CRB2: variants seen among roughly 807,000 people sequenced by gnomAD.
CRB2 encodes crumbs cell polarity complex component 2.
Under a neutral mutation model 110.9 loss-of-function variants are expected in CRB2, and 85 were observed. The observed-to-expected ratio is 0.77, with a 90% CI of 0.64 to 0.92. The LOEUF is 0.92. Among genes scored for constraint, CRB2 ranks in the 40% least tolerant of loss-of-function variants. The pLI is 0.00. For synonymous variants in CRB2, 907 were observed against 831.0 expected, an observed-to-expected ratio of 1.09 and a Z score of -1.57; for missense variants, 1,843 against 1,851.3, an observed-to-expected ratio of 1.00 and a Z score of 0.08.
Position 123,377,375 on chromosome 9 carries a change from TGTGA to T in CRB2, c.*317_*320del, listed in dbSNP as rs536922834. The T allele has an allele frequency of 9.2e-3, 2,910 of 317,644 alleles. 20 individuals are homozygous for T. Among genetic ancestry groups the T allele is most frequent in the Middle Eastern group, 0.018 (21 of 1,188 alleles). The allele number at this position is 317,644 out of a possible 1,614,324, so 19.7% of individuals were successfully genotyped here. Reference sequence around the variant, plus strand: ...GTGTGTGTATCTGGAGGAGTGTGTGTGTGAGTGTGTACCTGGGCCTGTGTTAGTC... The same window carrying T: ...GTGTGTGTATCTGGAGGAGTGTGTGTGTGTGTACCTGGGCCTGTGTTAGTC... On this transcript the variant is annotated 3_prime_UTR_variant, in exon 13 of 13. Transcript: ENST00000373631.
chr9:123,362,748 C>G (rs1334980005), intron 1 of CRB2, 117 bp from the exon 2 acceptor site: 5 of 940,884 alleles, frequency 5.3e-6, no homozygotes, highest in Non-Finnish European at 3.2e-6. Context: ...TCTGTCCATA[C>G]TGTGCATGCA....
downstream of CRB2, chr9:123,378,805 G>GTTTTTTTTTTTTTTTTTT (rs1166539194): frequency 9.9e-6 from 1 of 100,982 alleles, no homozygotes; most frequent in African/African-American, 4.3e-5. Context: ...CCTGTTTTTT[G>GTTTTTTTTTTTTTTTTTT]TTTTTTTTTT....
intron 2 of CRB2, 87 bp downstream of exon 2, chr9:123,363,275 C>T (rs1261624125): frequency 8.5e-6 from 12 of 1,412,470 alleles, no homozygotes; most frequent in African/African-American, 1.4e-5. Flanking sequence ...TTCAGCTTTG[C>T]CTTTCGTGTA....
Position 123,371,180 on chromosome 9 carries a change from G to A in CRB2, c.2038G>A (p.Glu680Lys). 1 of 1,613,822 alleles carries A rather than the reference G, an allele frequency of 6.2e-7. No individual in the cohort carries two copies. The highest frequency in any genetic ancestry group is 1.7e-5 in the Admixed American group (1 of 60,032). Residue 680 changes from glutamate to lysine, a missense_variant, in exon 8 of 13, where the codon GAG (glutamate) becomes AAG (lysine). Coordinates refer to ENST00000373631, the MANE Select transcript of CRB2 (RefSeq NM_173689.7). Reference protein sequence around the residue: ...LTVSFLLRTRESAGLLLQFAN... With the variant: ...LTVSFLLRTRKSAGLLLQFAN... ...AGTGTCTTTCCTTCTCCGCACTCGG[G>A]AGTCCGCTGGCCTGTTGCTCCAGTT...
intron 1 of CRB2, among the ~76,000 whole-genome samples, chr9:123,360,106 A>AT (rs2041850446): frequency 6.6e-6 from 1 of 152,224 alleles, no homozygotes; most frequent in African/African-American, 2.4e-5. Flanking sequence ...CCTGGGCAAA[A>AT]TTATCAACCT....
At chr9:123,357,685 G>A (rs758339006) in intron 1 of CRB2, among the ~76,000 whole-genome samples, 17 of 152,192 alleles carry the variant, frequency 1.1e-4, no homozygotes, top group South Asian at 2.1e-4. Context: ...GTGAGATCCC[G>A]GTCTGTGGAT....
rs1367429691 is a variant in CRB2 at position 123,378,185 on chromosome 9, T to C, written c.*1123T>C. On this transcript the variant is annotated 3_prime_UTR_variant, in exon 13 of 13. Transcript: ENST00000373631. ...CTGAGTACAGGGGCTCAGTGAACACTGGCGCTGCCTCTGAGTCGGGGCTGG... is the reference window on the plus strand; with the variant it reads ...CTGAGTACAGGGGCTCAGTGAACACCGGCGCTGCCTCTGAGTCGGGGCTGG... The C allele has an allele frequency of 1.3e-5, 2 of 152,248 alleles. No individual in the cohort carries two copies. Among genetic ancestry groups the C allele is most frequent in the Non-Finnish European group, 2.9e-5 (2 of 68,064 alleles). 9.4% of individuals were successfully genotyped at this position (152,248 alleles called of 1,614,324 possible). A position where few individuals can be genotyped will look rare whatever the true frequency, so the allele number is the denominator to read the frequency against.
intron 6 of CRB2, chr9:123,368,928 C>T (rs1285657764): frequency 4.8e-6 from 6 of 1,252,614 alleles, no homozygotes; most frequent in African/African-American, 1.6e-5. Flanking sequence ...CTTCCTGGGC[C>T]ACCTGTGGCT....
At position 123,373,193 on chromosome 9, in the gene CRB2, T is replaced by C. The variant is rs539477435; in HGVS notation, c.2662T>C (p.Ser888Pro). 10 of 1,514,014 alleles carry C rather than the reference T, an allele frequency of 6.6e-6. No individual in the cohort carries two copies. In the African/African-American group the frequency reaches 1.1e-4, roughly 17 times the overall value. The allele number at this position is 1,514,014 out of a possible 1,614,324, so 93.8% of individuals were successfully genotyped here. ...PPAAFSGHNA[S>P]SGRLLGGLSL... The stretch of plus-strand genomic sequence containing the variant: ...CGCCGCGTTCAGCGGGCACAACGCG[T>C]CGTCAGGGCGCTTGCTCGGCGGCCT... Residue 888 changes from serine to proline, a missense_variant, in exon 10 of 13, where the codon TCG (serine) becomes CCG (proline). Coordinates refer to ENST00000373631, the MANE Select transcript of CRB2 (RefSeq NM_173689.7).
Position 123,371,268 on chromosome 9 carries a change from T to C in CRB2, c.2126T>C (p.Val709Ala), listed in dbSNP as rs2488602. ...AGTGAGGGTCGGATCCGGGCTGAGG[T>C]GCCGGGCAGTCCTGCTGTAGTGCTC... ...FLSEGRIRAE[V>A]PGSPAVVLPG... Residue 709 changes from valine to alanine, a missense_variant, in exon 8 of 13, where the codon GTG becomes GCG. Val to Ala is a moderately conservative substitution (Grantham distance 64). Coordinates refer to ENST00000373631, the MANE Select transcript of CRB2 (RefSeq NM_173689.7). 1,613,263 of 1,613,976 alleles carry C rather than the reference T, an allele frequency of 1. 806,279 individuals carry two copies. The highest frequency in any genetic ancestry group is 1 in the South Asian group (91,080 of 91,080).
chr9:123,373,514 TTCCTGCAGGGCCCGGGTGCTGTGCGCA>T lies in CRB2; in HGVS notation c.2990_3016del (p.Gln997_Leu1005del). ...GCGCGGCCTGGCCAGTGACCTGGGC[TTCCTGCAGGGCCCGGGTGCTGTGCGCA>T]TCCTGCTGGCTGAGAACTTCACCGG... On this transcript the variant is annotated inframe_deletion, in exon 10 of 13. Coordinates refer to ENST00000373631, the MANE Select transcript of CRB2 (RefSeq NM_173689.7). 1 of 1,474,498 alleles carries T rather than the reference TTCCTGCAGGGCCCGGGTGCTGTGCGCA, an allele frequency of 6.8e-7. No individual in the cohort carries two copies. The highest frequency in any genetic ancestry group is 1.3e-5 in the South Asian group (1 of 76,608). 91.3% of individuals were successfully genotyped at this position (1,474,498 alleles called of 1,614,324 possible). A position where few individuals can be genotyped will look rare whatever the true frequency, so the allele number is the denominator to read the frequency against.
chr9:123,354,586 C>T (rs4838051), upstream of CRB2, among the ~76,000 whole-genome samples: 19,265 of 152,240 alleles, frequency 0.13, 1,528 homozygotes, highest in African/African-American at 0.22. Context: ...AGATCTCTTA[C>T]GCTGTGAGGC....
chr9:123,377,036 G>A lies in CRB2; in HGVS notation c.3832G>A (p.Val1278Met). The change falls in exon 13 of 13, where the codon GTG becomes ATG. Residue 1278 changes from valine to methionine, a missense_variant. By Grantham distance (21) the Val-to-Met change is conservative. Coordinates refer to ENST00000373631, the MANE Select transcript of CRB2 (RefSeq NM_173689.7). ...ARLEMDSVLK[V>M]PPEERLI Reference sequence around the variant, plus strand: ...GCTGGAGATGGACAGTGTCCTCAAGGTGCCACCGGAGGAGAGACTCATCTA... The same window carrying A: ...GCTGGAGATGGACAGTGTCCTCAAGATGCCACCGGAGGAGAGACTCATCTA... The A allele has an allele frequency of 6.3e-7, 1 of 1,597,346 alleles. No individual in the cohort carries two copies. The highest frequency in any genetic ancestry group is 1.7e-5 in the Admixed American group (1 of 58,510).
intron 4 of CRB2, 118 bp from the exon 5 acceptor site, chr9:123,367,054 C>A: frequency 9.5e-7 from 1 of 1,055,720 alleles, no homozygotes; most frequent in Non-Finnish European, 1.3e-6. Context: ...CCCTCCCTCG[C>A]CATTCGTGGC....
Position 123,372,479 on chromosome 9 carries a change from C to T in CRB2, c.2602+137C>T, listed in dbSNP as rs577578685. The T allele has an allele frequency of 4.6e-5, 51 of 1,117,828 alleles. No homozygotes were observed. In the African/African-American group the frequency reaches 4.9e-4, roughly 11 times the overall value. The allele number at this position is 1,117,828 out of a possible 1,614,324, so 69.2% of individuals were successfully genotyped here. A position where few individuals can be genotyped will look rare whatever the true frequency, so the allele number is the denominator to read the frequency against. On this transcript the variant is annotated intron_variant, in intron 9 of 12. Transcript: ENST00000373631. The stretch of plus-strand genomic sequence containing the variant: ...CCCTAGGGCAGTGTGGCGGGGCCAC[C>T]GCATGTAGAGGGACAGAGTTTCTGG...
upstream of CRB2, chr9:123,356,189 A>G: frequency 9.5e-7 from 1 of 1,055,366 alleles, no homozygotes; most frequent in South Asian, 1.9e-5. Flanking sequence ...TGGAGGGACG[A>G]GGGGGGTGCG....
chr9:123,363,914 G>A (rs1291177730), intron 2 of CRB2, among the ~76,000 whole-genome samples: 2 of 152,232 alleles, frequency 1.3e-5, no homozygotes, highest in Non-Finnish European at 2.9e-5. Flanking sequence ...GGGGACAGAA[G>A]GGGCGCAGTC....
rs138763191 is a variant in CRB2 at position 123,376,922 on chromosome 9, G to A, written c.3718G>A (p.Gly1240Ser). The A allele has an allele frequency of 4.4e-6, 7 of 1,608,290 alleles. No individual in the cohort carries two copies. In the African/African-American group the frequency reaches 8.0e-5, roughly 18 times the overall value. Residue 1240 changes from glycine (G) to serine (S), a missense_variant, in exon 13 of 13, where the codon GGC (glycine) becomes AGC (serine). Coordinates refer to ENST00000373631, the MANE Select transcript of CRB2 (RefSeq NM_173689.7). ...TGCCTGCCTCCTCCTCCTCCTCCTG[G>A]GCCTCCTTTCAGGGATCCTGGCAGC... ...ACACLLLLLL[G>S]LLSGILAARK...
chr9:123,365,335 C>T (rs979573170), intron 2 of CRB2, among the ~76,000 whole-genome samples: 10 of 152,182 alleles, frequency 6.6e-5, no homozygotes, highest in Non-Finnish European at 8.8e-5. Context: ...ACTTACCTGT[C>T]TGAAACTTTC....
Sources: allele counts gnomAD v4.1 joint callset (sites outside exome capture counted in the v4.1 genomes callset), GRCh38; gene constraint gnomAD v4.1.1; transcripts MANE v1.5; gene names NCBI Gene and HGNC (gene_info 2026-07-23, HGNC 2026-07-21).